SUGCT: variants seen among roughly 807,000 people sequenced by gnomAD.
SUGCT encodes the protein succinyl-CoA:glutarate CoA-transferase.
Under a neutral mutation model 55.0 loss-of-function variants are expected in SUGCT, and 41 were observed. The observed-to-expected ratio is 0.74, with a 90% confidence interval of 0.58 to 0.97. The LOEUF is 0.97. SUGCT is among the 50% of genes least tolerant of loss of function. SUGCT has a pLI of 0.00. For synonymous variants in SUGCT, 187 were observed against 200.4 expected (o/e 0.93, Z 0.56); for missense variants, 568 against 547.8 (o/e 1.04, Z -0.37).
chr7:40,916,287 GC>G, the SUGCT span, among the ~76,000 whole-genome samples: 2,227 of 152,238 alleles, frequency 0.015, 53 homozygotes, highest in African/African-American at 0.05. Flanking sequence ...TCCACTTACA[GC>G]TCTAGAAATG....
In SUGCT at chr7:40,828,132, A is replaced by T. The variant is rs575287704; in HGVS notation, c.1154-32184A>T. Among the ~76,000 whole-genome samples, 9 of 152,386 alleles carry T rather than the reference A, an allele frequency of 5.9e-5. No homozygotes were observed. In the South Asian group the frequency reaches 1.9e-3, roughly 32 times the overall value. ...AAATAAAAGAGGTAATTGGAACATG[A>T]GAGGATAGAACAGTAACAGTAACCA... is the stretch of plus-strand genomic sequence containing the variant. On this transcript the variant is annotated intron_variant, in intron 13 of 13. Coordinates refer to ENST00000335693, the MANE Select transcript of SUGCT (RefSeq NM_001193313.2).
At chr7:40,550,144 C>T (rs1795226245) in intron 12 of SUGCT, among the ~76,000 whole-genome samples, 1 of 152,178 alleles carries the variant, frequency 6.6e-6, no homozygotes, top group Admixed American at 6.5e-5. Context: ...AGACTCTAAA[C>T]AGTCATAAAT....
intron 9 of SUGCT, among the ~76,000 whole-genome samples, chr7:40,341,053 G>GA (rs1562696892): frequency 6.6e-6 from 1 of 152,112 alleles, no homozygotes; most frequent in Non-Finnish European, 1.5e-5. Flanking sequence ...AAACTCAAGG[G>GA]AATAAATGGA....
intron 12 of SUGCT, among the ~76,000 whole-genome samples, chr7:40,542,485 G>A (rs1794747165): frequency 6.6e-6 from 1 of 152,120 alleles, no homozygotes; most frequent in Non-Finnish European, 1.5e-5. Flanking sequence ...TGAAAACTCA[G>A]CCTTACACTA....
intron 1 of SUGCT, among the ~76,000 whole-genome samples, chr7:40,175,646 C>T (rs1050226884): frequency 1.3e-5 from 2 of 152,096 alleles, no homozygotes; most frequent in African/African-American, 4.8e-5. Context: ...GTATTTTCTC[C>T]ATAAGGCACA....
intron 12 of SUGCT, among the ~76,000 whole-genome samples, chr7:40,672,356 A>C (rs1157097055): frequency 6.6e-6 from 1 of 152,236 alleles, no homozygotes; most frequent in African/African-American, 2.4e-5. Context: ...TTAAGAGATG[A>C]AAAGACAAGT....
At chr7:40,726,689 C>T (rs2128691261) in intron 12 of SUGCT, among the ~76,000 whole-genome samples, 1 of 152,252 alleles carries the variant, frequency 6.6e-6, no homozygotes, top group African/African-American at 2.4e-5. Context: ...AGCTGAGGCG[C>T]CGCAACCGAA....
chr7:40,321,830 T>G (rs1562678683), intron 9 of SUGCT, among the ~76,000 whole-genome samples: 3 of 152,242 alleles, frequency 2.0e-5, no homozygotes, highest in Non-Finnish European at 2.9e-5. Flanking sequence ...TCCAGTCCAT[T>G]GTTGACAGGC....
chr7:40,459,340 T>C, intron 11 of SUGCT, 142 bp downstream of exon 11: 2 of 593,402 alleles, frequency 3.4e-6, no homozygotes, highest in Non-Finnish European at 5.7e-6. Context: ...GGTGGAGAGA[T>C]TTTAAAGCTG....
At chr7:40,405,366 C>A (rs1562752664) in intron 9 of SUGCT, among the ~76,000 whole-genome samples, 1 of 152,178 alleles carries the variant, frequency 6.6e-6, no homozygotes, top group African/African-American at 2.4e-5. Context: ...GGGATAATGT[C>A]TTTTCTTTTT....
chr7:40,420,890 T>C (rs1787274512), intron 9 of SUGCT, among the ~76,000 whole-genome samples: 1 of 152,158 alleles, frequency 6.6e-6, no homozygotes, highest in Admixed American at 6.5e-5. Context: ...CTCTTCTCTG[T>C]TCACCAAGTT....
intron 8 of SUGCT, among the ~76,000 whole-genome samples, chr7:40,292,030 T>A (rs764907443): frequency 5.9e-5 from 9 of 152,184 alleles, no homozygotes; most frequent in African/African-American, 9.7e-5. Flanking sequence ...AAATTTGTCT[T>A]GTTAGAAGCC....
At chr7:40,916,070 TACACAC>T in the SUGCT span, among the ~76,000 whole-genome samples, 47,100 of 144,708 alleles carry the variant, frequency 0.33, 7,986 homozygotes, top group Admixed American at 0.43. Flanking sequence ...TCTCTCTACA[TACACAC>T]ACACACACAC....
chr7:40,597,404 A>G (rs781188027), intron 12 of SUGCT, among the ~76,000 whole-genome samples: 16 of 152,212 alleles, frequency 1.1e-4, no homozygotes, highest in Non-Finnish European at 1.9e-4. Flanking sequence ...TGATTCAGTT[A>G]ACAGTAAAAT....
chr7:40,898,009 G>T, the SUGCT span, among the ~76,000 whole-genome samples: 2,191 of 152,216 alleles, frequency 0.014, 52 homozygotes, highest in African/African-American at 0.049. Flanking sequence ...TTCCCTTCCG[G>T]TGTGAAAGGT....
chr7:40,861,375 C>G (rs1322111700), downstream of SUGCT, among the ~76,000 whole-genome samples: 3 of 152,124 alleles, frequency 2.0e-5, no homozygotes, highest in Non-Finnish European at 4.4e-5. Flanking sequence ...CTAGATCATG[C>G]CTTAGCATTG....
At chr7:40,686,548 G>A (rs531253676) in intron 12 of SUGCT, among the ~76,000 whole-genome samples, 1 of 152,280 alleles carries the variant, frequency 6.6e-6, no homozygotes, top group Admixed American at 6.5e-5. Flanking sequence ...CTTTGTATGT[G>A]TGAGTAGGAT....
intron 12 of SUGCT, among the ~76,000 whole-genome samples, chr7:40,695,717 A>G (rs1001681355): frequency 6.6e-6 from 1 of 152,160 alleles, no homozygotes. Context: ...TGTTGGCACT[A>G]CTGACATTTT....
chr7:41,026,276 G>T, the SUGCT span, among the ~76,000 whole-genome samples: 1 of 152,122 alleles, frequency 6.6e-6, no homozygotes, highest in Non-Finnish European at 1.5e-5. Context: ...TGCTGAAGGG[G>T]GTATGTTTTC....
Sources: gnomAD v4.1 joint callset for allele counts (sites outside exome capture counted in the v4.1 genomes callset) on GRCh38, gnomAD v4.1.1 for gene constraint, MANE v1.5 for transcripts, NCBI Gene and HGNC (gene_info 2026-07-23, HGNC 2026-07-21) for gene names.